The following RFX1 variants were observed in gnomAD, a reference collection of about 807,000 sequenced individuals.
RFX1 encodes regulatory factor X1, also known as MHC class II regulatory factor RFX1.
Under a neutral mutation model 119.6 loss-of-function variants are expected in RFX1, and 42 were observed. That is an observed-to-expected ratio of 0.35 (90% confidence interval 0.27 to 0.45). The LOEUF is 0.45. Ranked by LOEUF, RFX1 falls within the 20% of genes least tolerant of loss-of-function variation. The pLI is 1.00. For missense variants in RFX1, 1,118 were observed against 1,368.1 expected, an observed-to-expected ratio of 0.82 and a Z score of 2.88; for synonymous variants, 628 against 618.5, an observed-to-expected ratio of 1.02 and a Z score of -0.23.
Position 13,980,506 on chromosome 19 carries a change from T to A in RFX1, c.738+67A>T. ...CTCTAATAGGCCAGAGGCACAGCCG[T>A]GGGGGGCTGCAGAGGCTGCCTGGCC... On this transcript the variant is annotated intron_variant, in intron 6 of 20. Transcript: ENST00000254325. This position sits in a 1 kb window ranked among gnomAD's most constrained non-coding sequence, Gnocchi z 5.1. 2 of 1,019,380 alleles carry A rather than the reference T, an allele frequency of 2.0e-6. No individual in the cohort carries two copies. Among genetic ancestry groups the A allele is most frequent in the South Asian group, 1.5e-5 (1 of 68,642 alleles). 63.1% of individuals were successfully genotyped at this position (1,019,380 alleles called of 1,614,324 possible). A position where few individuals can be genotyped will look rare whatever the true frequency, so the allele number is the denominator to read the frequency against.
At chr19:14,006,755 T>G (rs1975394285), upstream of RFX1, 2 of 152,198 alleles carry the variant, frequency 1.3e-5, no homozygotes, top group Admixed American at 1.3e-4. Context: ...CTTACCAAAT[T>G]AAAAAGGCGA....
Position 13,966,795 on chromosome 19 carries a change from C to T in RFX1, c.1733-44G>A. The T allele has an allele frequency of 7.3e-7, 1 of 1,365,346 alleles. No individual in the cohort carries two copies. Among genetic ancestry groups the T allele is most frequent in the Non-Finnish European group, 1.0e-6 (1 of 978,518 alleles). 84.6% of individuals were successfully genotyped at this position (1,365,346 alleles called of 1,614,324 possible). A position where few individuals can be genotyped will look rare whatever the true frequency, so the allele number is the denominator to read the frequency against. On this transcript the variant is annotated intron_variant, in intron 12 of 20. Transcript: ENST00000254325. The surrounding 1 kb of genome is among the most constrained non-coding windows in gnomAD (Gnocchi z 6.3). Reference sequence around the variant, plus strand: ...CCGTGAGGCCCTTCATCCCCCTTGCCTGCCCACCCTGGGGTCCTACTGACC... The same window carrying T: ...CCGTGAGGCCCTTCATCCCCCTTGCTTGCCCACCCTGGGGTCCTACTGACC...
chr19:13,989,482 T>A (rs755316179), intron 2 of RFX1, among the ~76,000 whole-genome samples: 10 of 152,104 alleles, frequency 6.6e-5, no homozygotes, highest in Admixed American at 2.6e-4. Context: ...GCGATTCTCC[T>A]GCCTCAGCCT....
intron 2 of RFX1, among the ~76,000 whole-genome samples, chr19:13,991,052 G>A (rs1168252866): frequency 6.6e-6 from 1 of 152,208 alleles, no homozygotes; most frequent in African/African-American, 2.4e-5. Context: ...AGATCTGCAA[G>A]AGGGGGATTA....
At position 13,980,789 on chromosome 19, in the gene RFX1, G is replaced by A. The variant is rs1974405522; in HGVS notation, c.622-100C>T. On this transcript the variant is annotated intron_variant, in intron 5 of 20. Coordinates refer to ENST00000254325, the MANE Select transcript of RFX1 (RefSeq NM_002918.5). The surrounding 1 kb of genome is among the most constrained non-coding windows in gnomAD (Gnocchi z 5.1). ...CCTTCTCAGGAGAGCTGTCTGGGGA[G>A]GGCGGCAGTCTGTGGGGACCTATCC... 1 of 575,080 alleles carries A rather than the reference G, an allele frequency of 1.7e-6. No individual in the cohort carries two copies. Among genetic ancestry groups the A allele is most frequent in the Non-Finnish European group, 2.9e-6 (1 of 342,206 alleles). 35.6% of individuals were successfully genotyped at this position (575,080 alleles called of 1,614,324 possible).
chr19:13,976,787 G>A (rs1184659091), intron 8 of RFX1, among the ~76,000 whole-genome samples: 1 of 151,682 alleles, frequency 6.6e-6, no homozygotes, highest in African/African-American at 2.4e-5. Flanking sequence ...GATCATTTAA[G>A]TCCAAGAGTT....
At chr19:13,972,466 T>C (rs1974112964) in intron 9 of RFX1, among the ~76,000 whole-genome samples, 1 of 152,156 alleles carries the variant, frequency 6.6e-6, no homozygotes, top group Admixed American at 6.5e-5. Context: ...AGTCCTGGGA[T>C]TACAGGTGTG....
At position 13,966,872 on chromosome 19, in the gene RFX1, A is replaced by G. The variant is rs905417411; in HGVS notation, c.1733-121T>C. Reference sequence around the variant, plus strand: ...CCCCATGTGCCGGTGAGACAACGCTAGGTGGGGTGAGCGCCTGGCCCGGGC... The same window carrying G: ...CCCCATGTGCCGGTGAGACAACGCTGGGTGGGGTGAGCGCCTGGCCCGGGC... On this transcript the variant is annotated intron_variant, in intron 12 of 20. Coordinates refer to ENST00000254325, the MANE Select transcript of RFX1 (RefSeq NM_002918.5). This position sits in a 1 kb window ranked among gnomAD's most constrained non-coding sequence, Gnocchi z 6.3. 11 of 647,836 alleles carry G rather than the reference A, an allele frequency of 1.7e-5. No individual in the cohort carries two copies. Among genetic ancestry groups the G allele is most frequent in the African/African-American group, 1.7e-4 (9 of 54,096 alleles). The allele number at this position is 647,836 out of a possible 1,614,324, so 40.1% of individuals were successfully genotyped here. A position where few individuals can be genotyped will look rare whatever the true frequency, so the allele number is the denominator to read the frequency against.
Position 13,961,546 on chromosome 19 carries a change from C to T in RFX1, c.*1149G>A, listed in dbSNP as rs900186657. 3.7e-5 allele frequency: 6 copies of T among 160,914 alleles called. No homozygotes were observed. The highest frequency in any genetic ancestry group is 5.9e-5 in the Admixed American group (1 of 17,076). 10.0% of individuals were successfully genotyped at this position (160,914 alleles called of 1,614,324 possible). A position where few individuals can be genotyped will look rare whatever the true frequency, so the allele number is the denominator to read the frequency against. On this transcript the variant is annotated 3_prime_UTR_variant, in exon 21 of 21. Coordinates refer to ENST00000254325, the MANE Select transcript of RFX1 (RefSeq NM_002918.5). The stretch of plus-strand genomic sequence containing the variant: ...AGTCAGCAGTAGGCAAATATCACAG[C>T]GGAATTTATTGTTTTAAGAAAGACT...
intron 2 of RFX1, among the ~76,000 whole-genome samples, chr19:13,992,947 T>C (rs1974852616): frequency 6.6e-6 from 1 of 152,040 alleles, no homozygotes; most frequent in Middle Eastern, 3.4e-3. Flanking sequence ...GCCTAGGCAA[T>C]ATGGCGAGAC....
rs374237151 is a variant in RFX1 at position 13,962,851 on chromosome 19, T to C, written c.2784A>G (p.Glu928=). Reference sequence around the variant, plus strand: ...GCTCGTCCTCGCTCTCCTCCTCCTCTTCTTCCTCCTCGTCTGGAACACAGG... The same window carrying C: ...GCTCGTCCTCGCTCTCCTCCTCCTCCTCTTCCTCCTCGTCTGGAACACAGG... ...PLDPDKDEEE[E]EEEESEDELP... Residue 928 remains glutamate (E), a synonymous_variant, in exon 21 of 21, where the codon GAA becomes GAG. Coordinates refer to ENST00000254325, the MANE Select transcript of RFX1 (RefSeq NM_002918.5). The C allele has an allele frequency of 4.0e-5, 61 of 1,527,718 alleles. No homozygotes were observed. The highest frequency in any genetic ancestry group is 4.5e-5 in the Non-Finnish European group (51 of 1,139,164). 94.6% of individuals were successfully genotyped at this position (1,527,718 alleles called of 1,614,324 possible). A position where few individuals can be genotyped will look rare whatever the true frequency, so the allele number is the denominator to read the frequency against.
chr19:13,987,647 T>G (rs1974649328), intron 2 of RFX1, among the ~76,000 whole-genome samples: 2 of 149,096 alleles, frequency 1.3e-5, no homozygotes, highest in African/African-American at 2.5e-5. Flanking sequence ...CTGCAAGGGG[T>G]GGGGGAGGGG....
rs1973921127 is a variant in RFX1, at chr19:13,966,892, CCGGGCCCAGGA to C, written c.1733-152_1733-142del. 5 of 587,568 alleles carry C rather than the reference CCGGGCCCAGGA, an allele frequency of 8.5e-6. No homozygotes were observed. The highest frequency in any genetic ancestry group is 4.2e-5 in the South Asian group (2 of 47,124). 36.4% of individuals were successfully genotyped at this position (587,568 alleles called of 1,614,324 possible). A position where few individuals can be genotyped will look rare whatever the true frequency, so the allele number is the denominator to read the frequency against. The stretch of plus-strand genomic sequence containing the variant: ...ACGCTAGGTGGGGTGAGCGCCTGGC[CCGGGCCCAGGA>C]CGGGCCCAGGAGTGAGGGCCCACAC... On this transcript the variant is annotated intron_variant, in intron 12 of 20. Coordinates refer to ENST00000254325, the MANE Select transcript of RFX1 (RefSeq NM_002918.5). The surrounding 1 kb of genome is among the most constrained non-coding windows in gnomAD (Gnocchi z 6.3).
At chr19:13,988,371 A>T (rs1312760556) in intron 2 of RFX1, among the ~76,000 whole-genome samples, 2 of 152,100 alleles carry the variant, frequency 1.3e-5, no homozygotes, top group Non-Finnish European at 2.9e-5. Flanking sequence ...CAAGGTCAAG[A>T]GTGGAAGGAC....
In RFX1 at chr19:13,963,009, G is replaced by C; in HGVS notation, c.2755C>G (p.Leu919Val). 1 of 1,552,786 alleles carries C rather than the reference G, an allele frequency of 6.4e-7. No homozygotes were observed. The highest frequency in any genetic ancestry group is 8.7e-7 in the Non-Finnish European group (1 of 1,147,706). Reference protein sequence around the residue: ...FANLATSLNPLDPDKDEEEEE... With the variant: ...FANLATSLNPVDPDKDEEEEE... Reference sequence around the variant, plus strand: ...CCTCGCCTACCTTTGTCGGGGTCCAGGGGGTTCAGGGAGGTGGCCAGATTG... The same window carrying C: ...CCTCGCCTACCTTTGTCGGGGTCCACGGGGTTCAGGGAGGTGGCCAGATTG... Residue 919 changes from leucine to valine, a missense_variant, in exon 20 of 21, where the codon CTG becomes GTG. Leu to Val is a conservative substitution (Grantham distance 32). This residue lies in a region of RFX1 where 138 missense variants were observed against 117.8 expected (regional missense o/e 1.17). Coordinates refer to ENST00000254325, the MANE Select transcript of RFX1 (RefSeq NM_002918.5).
intron 2 of RFX1, among the ~76,000 whole-genome samples, chr19:13,991,576 C>T (rs76159549): frequency 0.035 from 5,289 of 152,280 alleles, 306 homozygotes; most frequent in African/African-American, 0.12. Flanking sequence ...GGACCTCCCA[C>T]GCAGACACTG....
At chr19:13,995,219 T>C (rs1405690961) in intron 1 of RFX1, among the ~76,000 whole-genome samples, 1 of 151,980 alleles carries the variant, frequency 6.6e-6, no homozygotes. Context: ...CTGGGTGTTC[T>C]ATGCTCCTGA....
In RFX1 at chr19:13,962,327, AAC is replaced by A; in HGVS notation, c.*366_*367del. ...GCAAAGCCAGCGAGCTGAATAAGTT[AAC>A]AGTTTCGCACGGGAGGGGGCCTGCC... On this transcript the variant is annotated 3_prime_UTR_variant, in exon 21 of 21. Coordinates refer to ENST00000254325, the MANE Select transcript of RFX1 (RefSeq NM_002918.5). 1 of 267,216 alleles carries A rather than the reference AAC, an allele frequency of 3.7e-6. No individual in the cohort carries two copies. Among genetic ancestry groups the A allele is most frequent in the African/African-American group, 2.3e-5 (1 of 43,734 alleles). The allele number at this position is 267,216 out of a possible 1,614,324, so 16.6% of individuals were successfully genotyped here.
At chr19:13,988,186 C>T (rs1460190160) in intron 2 of RFX1, among the ~76,000 whole-genome samples, 4 of 152,080 alleles carry the variant, frequency 2.6e-5, no homozygotes, top group Admixed American at 6.6e-5. Context: ...GCCAACACGC[C>T]GGGCTAATTT....
Sources: gnomAD v4.1 joint callset for allele counts (sites outside exome capture counted in the v4.1 genomes callset) on GRCh38, gnomAD v4.1.1 for gene constraint, gnomAD v4.1.1 regional missense constraint, Gnocchi (gnomAD v3.1) non-coding constraint, MANE v1.5 for transcripts, NCBI Gene and HGNC (gene_info 2026-07-23, HGNC 2026-07-21) for gene names.